Variants in CREB3L2 observed in about 807,000 individuals in gnomAD.
CREB3L2 encodes cAMP responsive element binding protein 3 like 2.
Under a neutral mutation model 57.2 loss-of-function variants are expected in CREB3L2, and 23 were observed. The ratio of observed to expected loss-of-function variants is 0.40; its 90% CI spans 0.29 to 0.57. CREB3L2 has a LOEUF of 0.57. Among genes scored for constraint, CREB3L2 ranks in the 20% least tolerant of loss-of-function variants. The probability of loss-of-function intolerance (pLI) is 0.42; values close to 1 mark genes in which losing one functional copy is unlikely to be tolerated. For synonymous variants in CREB3L2, 268 were observed against 265.1 expected (o/e 1.01, Z -0.11); for missense variants, 628 against 634.7 (o/e 0.99, Z 0.11).
intron 1 of CREB3L2, among the ~76,000 whole-genome samples, chr7:137,981,875 T>G (rs1161205875): frequency 6.6e-6 from 1 of 152,110 alleles, no homozygotes; most frequent in Non-Finnish European, 1.5e-5. Context: ...AAGGGTTAGG[T>G]TTCGAGTACA....
chr7:137,982,882 G>C (rs1801734148), intron 1 of CREB3L2, among the ~76,000 whole-genome samples: 1 of 152,110 alleles, frequency 6.6e-6, no homozygotes, highest in African/African-American at 2.4e-5. Flanking sequence ...CATTGGAAGA[G>C]GACATAGCAA....
chr7:137,990,968 T>C (rs1004635190), intron 1 of CREB3L2, among the ~76,000 whole-genome samples: 10 of 152,128 alleles, frequency 6.6e-5, no homozygotes, highest in African/African-American at 2.2e-4. Context: ...GTTAAAAAAA[T>C]GTTTCCTACC....
chr7:137,990,128 C>A (rs763426253), intron 1 of CREB3L2, among the ~76,000 whole-genome samples: 24 of 152,198 alleles, frequency 1.6e-4, no homozygotes, highest in Middle Eastern at 3.2e-3. Flanking sequence ...GCCAAGCACA[C>A]AAACCTCTCA....
At chr7:137,932,194 T>C (rs566512551) in intron 1 of CREB3L2, among the ~76,000 whole-genome samples, 22 of 152,370 alleles carry the variant, frequency 1.4e-4, no homozygotes, top group African/African-American at 5.3e-4. Context: ...CACGTAGCCC[T>C]GTTTCATTGA....
chr7:137,913,840 G>T (rs1323722401), intron 3 of CREB3L2, among the ~76,000 whole-genome samples: 1 of 152,114 alleles, frequency 6.6e-6, no homozygotes. Context: ...GTTGTAGAGC[G>T]TAACTGTGCA....
At chr7:137,987,762 C>T (rs901257132) in intron 1 of CREB3L2, among the ~76,000 whole-genome samples, 1 of 152,226 alleles carries the variant, frequency 6.6e-6, no homozygotes, top group Non-Finnish European at 1.5e-5. Flanking sequence ...TGGCTCACTG[C>T]AGCCTCAACC....
At chr7:137,903,308 C>G (rs1042208171) in intron 7 of CREB3L2, among the ~76,000 whole-genome samples, 1 of 152,220 alleles carries the variant, frequency 6.6e-6, no homozygotes, top group African/African-American at 2.4e-5. Context: ...CCCAGATCCA[C>G]ATGAAGTTCA....
chr7:137,911,757 G>A (rs779442298), intron 4 of CREB3L2, among the ~76,000 whole-genome samples: 1 of 152,204 alleles, frequency 6.6e-6, no homozygotes, highest in Non-Finnish European at 1.5e-5. Context: ...AGAATCGCTT[G>A]AACCCATGAG....
intron 1 of CREB3L2, among the ~76,000 whole-genome samples, chr7:137,942,093 C>CA (rs1482116893): frequency 6.6e-6 from 1 of 152,196 alleles, no homozygotes; most frequent in African/African-American, 2.4e-5. Flanking sequence ...TCATTCCCTG[C>CA]AATTTCTCCA....
chr7:137,898,839 T>C (rs1332863550), intron 8 of CREB3L2, among the ~76,000 whole-genome samples: 1 of 150,974 alleles, frequency 6.6e-6, no homozygotes, highest in African/African-American at 2.4e-5. Flanking sequence ...AAAAGATATG[T>C]AATGGACATA....
chr7:137,926,986 C>T (rs1013059563), intron 2 of CREB3L2, among the ~76,000 whole-genome samples: 8 of 151,688 alleles, frequency 5.3e-5, no homozygotes, highest in Non-Finnish European at 8.8e-5. Context: ...CCCATTTCTA[C>T]AAAAAAATAA....
intron 1 of CREB3L2, among the ~76,000 whole-genome samples, chr7:137,942,022 T>C (rs1048404964): frequency 2.6e-5 from 4 of 152,368 alleles, no homozygotes; most frequent in African/African-American, 7.2e-5. Context: ...AATTGATTGA[T>C]TGATCTTCCT....
rs1401080367 is a variant in CREB3L2 at position 137,880,778 on chromosome 7, C to T, written c.1488-227G>A. The stretch of plus-strand genomic sequence containing the variant: ...TACCTTTATCTACACCCAAGGCATC[C>T]CAACCCTACTAAGGATAATCATGGT... On this transcript the variant is annotated intron_variant, in intron 11 of 11. Coordinates refer to ENST00000330387, the MANE Select transcript of CREB3L2 (RefSeq NM_194071.4). The surrounding 1 kb of genome is among the most constrained non-coding windows in gnomAD (Gnocchi z 4.0). Among the ~76,000 whole-genome samples the T allele has an allele frequency of 6.6e-6, 1 of 152,144 alleles. No homozygotes were observed. The highest frequency in any genetic ancestry group is 2.4e-5 in the African/African-American group (1 of 41,408).
intron 5 of CREB3L2, among the ~76,000 whole-genome samples, 183 bp downstream of exon 5, chr7:137,908,069 T>C (rs1799927486): frequency 6.6e-6 from 1 of 152,224 alleles, no homozygotes; most frequent in Non-Finnish European, 1.5e-5. Context: ...AAAGGTGAGA[T>C]GTGCGGGCAG....
At chr7:137,905,537 G>A (rs1251721577) in intron 6 of CREB3L2, among the ~76,000 whole-genome samples, 165 bp downstream of exon 6, 1 of 152,056 alleles carries the variant, frequency 6.6e-6, no homozygotes, top group East Asian at 1.9e-4. Flanking sequence ...GAAGAGAGGG[G>A]CACGTGGTGA....
rs149098823 is a variant in CREB3L2 at position 137,927,557 on chromosome 7, G to A, written c.319+593C>T. On this transcript the variant is annotated intron_variant, in intron 2 of 11. Transcript: ENST00000330387. ...CAAGATACAGCTTTTACCAATTAAG[G>A]GCTGTAGAGTAATGGTCAAAACATC... Among the ~76,000 whole-genome samples, 408 of 152,192 alleles carry A rather than the reference G, an allele frequency of 2.7e-3. 2 individuals carry two copies. Among genetic ancestry groups the A allele is most frequent in the African/African-American group, 9.0e-3 (375 of 41,534 alleles).
At chr7:137,950,217 A>T in intron 1 of CREB3L2, among the ~76,000 whole-genome samples, 1 of 152,198 alleles carries the variant, frequency 6.6e-6, no homozygotes, top group East Asian at 1.9e-4. Context: ...TGGTTTTGTC[A>T]TGGATTTGTG....
At chr7:137,900,363 T>C (rs1025684108) in intron 8 of CREB3L2, among the ~76,000 whole-genome samples, 13 of 152,228 alleles carry the variant, frequency 8.5e-5, no homozygotes, top group African/African-American at 3.1e-4. Context: ...AATGAGTTCA[T>C]AGCTGTAAAG....
intron 1 of CREB3L2, among the ~76,000 whole-genome samples, chr7:137,973,175 GAAA>G (rs56720528): frequency 0.24 from 30,787 of 129,778 alleles, 3,568 homozygotes; most frequent in Middle Eastern, 0.44. Context: ...TAATAATAAT[GAAA>G]AAAAAAAAAA....
Sources: allele counts gnomAD v4.1 joint callset (sites outside exome capture counted in the v4.1 genomes callset), GRCh38; gene constraint gnomAD v4.1.1; non-coding constraint Gnocchi (gnomAD v3.1); transcripts MANE v1.5; gene names NCBI Gene and HGNC (gene_info 2026-07-23, HGNC 2026-07-21).